NACC2: variants seen among roughly 807,000 people sequenced by gnomAD.
The protein encoded by NACC2 is NACC family member 2, also known as nucleus accumbens-associated protein 2.
Under a neutral mutation model 25.1 loss-of-function variants are expected in NACC2, and 8 were observed. That is an observed-to-expected ratio of 0.32 (90% CI 0.19 to 0.57). The LOEUF (loss-of-function observed/expected upper bound fraction) is 0.57, where lower values mean the gene tolerates loss of function less well. Ranked by LOEUF, NACC2 falls within the 20% of genes least tolerant of loss-of-function variation. The pLI is 0.89. For synonymous variants in NACC2, 435 were observed against 294.7 expected (o/e 1.48, Z -4.88); for missense variants, 644 against 650.2 (o/e 0.99, Z 0.10).
In NACC2 at chr9:136,022,898, C is replaced by A. The variant is rs896706136; in HGVS notation, c.887-6469G>T. ...GAAGGCAAACCATCACCAATTACCA[C>A]GCCATGCCACGCCACACCGTGCCTG... is the stretch of plus-strand genomic sequence containing the variant. On this transcript the variant is annotated intron_variant, in intron 2 of 5. Transcript: ENST00000277554. The surrounding 1 kb of genome is among the most constrained non-coding windows in gnomAD (Gnocchi z 4.4). 7.7e-6 allele frequency among the ~76,000 whole-genome samples: 1 copy of A among 130,580 alleles called. No homozygotes were observed. The allele number at this position is 130,580 out of a possible 152,430, so 85.7% of individuals were successfully genotyped here. A position where few individuals can be genotyped will look rare whatever the true frequency, so the allele number is the denominator to read the frequency against.
At chr9:136,078,020 C>A (rs981347796) in intron 1 of NACC2, among the ~76,000 whole-genome samples, 1 of 152,230 alleles carries the variant, frequency 6.6e-6, no homozygotes, top group Admixed American at 6.5e-5. Context: ...GATCCACCCG[C>A]CTCGGCCTCC....
rs182801520 is a variant in NACC2 at position 136,069,836 on chromosome 9, T to C, written c.-59-19256A>G. On this transcript the variant is annotated intron_variant, in intron 1 of 5. Coordinates refer to ENST00000277554, the MANE Select transcript of NACC2 (RefSeq NM_144653.5). ...ACAAAATACATGAAGCACAAACCAATAGAACTAAAGACAAACCCACAATTC... is the reference window on the plus strand; with the variant it reads ...ACAAAATACATGAAGCACAAACCAACAGAACTAAAGACAAACCCACAATTC... 4.0e-4 allele frequency among the ~76,000 whole-genome samples: 60 copies of C among 151,790 alleles called. 1 individual carries two copies. Among genetic ancestry groups the C allele is most frequent in the African/African-American group, 1.4e-3 (57 of 41,160 alleles).
chr9:136,020,326 A>T lies in NACC2; in HGVS notation c.887-3897T>A, dbSNP rs1211866249. 1.3e-5 allele frequency among the ~76,000 whole-genome samples: 2 copies of T among 152,124 alleles called. No homozygotes were observed. The highest frequency in any genetic ancestry group is 3.9e-4 in the East Asian group (2 of 5,184). On this transcript the variant is annotated intron_variant, in intron 2 of 5. Coordinates refer to ENST00000277554, the MANE Select transcript of NACC2 (RefSeq NM_144653.5). The surrounding 1 kb of genome is among the most constrained non-coding windows in gnomAD (Gnocchi z 4.7). ...AGGTGCTCCACGTCCTCACCAGGCA[A>T]AACACCCCGAGATCCCTGCCCACGG...
chr9:136,023,097 AGAGGGAGGGAGGAGGGAGGGGGAG>A (rs1564220759), intron 2 of NACC2, among the ~76,000 whole-genome samples: 6 of 350 alleles, frequency 0.017, no homozygotes, highest in Admixed American at 0.028. Flanking sequence ...GAAGGAGGGA[AGAGGGAGGGAGGAGGGAGGGGGAG>A]GAGGGAGGGA....
At chr9:136,065,623 T>A (rs1841070314) in intron 1 of NACC2, among the ~76,000 whole-genome samples, 1 of 151,480 alleles carries the variant, frequency 6.6e-6, no homozygotes, top group African/African-American at 2.4e-5. Flanking sequence ...CGGTTTCAGA[T>A]ACATAAATAA....
intron 2 of NACC2, among the ~76,000 whole-genome samples, chr9:136,045,002 G>A (rs1167037091): frequency 1.3e-5 from 2 of 152,222 alleles, no homozygotes; most frequent in African/African-American, 2.4e-5. Context: ...GCAGAGCCAG[G>A]ACAGATGTGC....
At chr9:136,087,427 C>T (rs1830390299) in intron 1 of NACC2, among the ~76,000 whole-genome samples, 1 of 152,210 alleles carries the variant, frequency 6.6e-6, no homozygotes, top group Non-Finnish European at 1.5e-5. Context: ...ACACCCTGCC[C>T]TCCTGGAGCT....
chr9:136,050,154 A>T lies in NACC2; in HGVS notation c.368T>A (p.Val123Glu). The T allele has an allele frequency of 2.6e-6, 2 of 768,946 alleles. No homozygotes were observed. The highest frequency in any genetic ancestry group is 4.8e-6 in the Non-Finnish European group (2 of 414,920). The allele number at this position is 768,946 out of a possible 1,614,324, so 47.6% of individuals were successfully genotyped here. A position where few individuals can be genotyped will look rare whatever the true frequency, so the allele number is the denominator to read the frequency against. ...CTGCGAGTCGCAGTGGGGCGAGCTC[A>T]CCTTGAACATGAGGTCGGTGCCGCG... ...VERGTDLMFKVSSPHCDSQTA... is the reference protein window; with the variant it reads ...VERGTDLMFKESSPHCDSQTA... Residue 123 changes from valine (V) to glutamate (E), a missense_variant, in exon 2 of 6, where the codon GTG becomes GAG. Val to Glu is a moderately radical substitution (Grantham distance 121). Transcript: ENST00000277554.
intron 2 of NACC2, among the ~76,000 whole-genome samples, chr9:136,039,969 G>A (rs1413044969): frequency 2.6e-5 from 4 of 152,170 alleles, no homozygotes. Flanking sequence ...TGTAGGAAAT[G>A]CCAAGGAATT....
At chr9:136,094,974 C>A (rs1830474440) in intron 1 of NACC2, among the ~76,000 whole-genome samples, 1 of 146,334 alleles carries the variant, frequency 6.8e-6, no homozygotes, top group African/African-American at 2.4e-5. Flanking sequence ...CCCCGCCCGG[C>A]CCCCCTCCGC....
At position 136,084,210 on chromosome 9, in the gene NACC2, C is replaced by G. The variant is rs1464769066; in HGVS notation, c.-60+10979G>C. ...CCCTCAACACCCACTCACCAACCTGCAGCCTCCCCGCTCCCAGGTCAAAGA... is the reference window on the plus strand; with the variant it reads ...CCCTCAACACCCACTCACCAACCTGGAGCCTCCCCGCTCCCAGGTCAAAGA... On this transcript the variant is annotated intron_variant, in intron 1 of 5. Coordinates refer to ENST00000277554, the MANE Select transcript of NACC2 (RefSeq NM_144653.5). This position sits in a 1 kb window ranked among gnomAD's most constrained non-coding sequence, Gnocchi z 5.1. Among the ~76,000 whole-genome samples the G allele has an allele frequency of 1.3e-5, 2 of 152,142 alleles. No individual in the cohort carries two copies. The highest frequency in any genetic ancestry group is 4.8e-5 in the African/African-American group (2 of 41,426).
intron 1 of NACC2, among the ~76,000 whole-genome samples, chr9:136,064,752 G>C (rs1344943440): frequency 6.6e-6 from 1 of 152,156 alleles, no homozygotes; most frequent in East Asian, 1.9e-4. Context: ...AAGGGACCCA[G>C]GAGAGCCAAA....
chr9:136,050,572 G>T lies in NACC2; in HGVS notation c.-51C>A. On this transcript the variant is annotated 5_prime_UTR_variant, in exon 2 of 6. Coordinates refer to ENST00000277554, the MANE Select transcript of NACC2 (RefSeq NM_144653.5). ...GCTCTCAGCGCGGGGCGGCCCTAGC[G>T]GGGCTCATCTGTGGGGGGCAGGAGG... 1.4e-6 allele frequency: 1 copy of T among 726,942 alleles called. No individual in the cohort carries two copies. Among genetic ancestry groups the T allele is most frequent in the East Asian group, 2.6e-5 (1 of 38,734 alleles). 45.0% of individuals were successfully genotyped at this position (726,942 alleles called of 1,614,324 possible). A position where few individuals can be genotyped will look rare whatever the true frequency, so the allele number is the denominator to read the frequency against.
rs1322416603 is a variant in NACC2 at position 136,022,325 on chromosome 9, G to A, written c.887-5896C>T. 1.3e-5 allele frequency among the ~76,000 whole-genome samples: 2 copies of A among 152,280 alleles called. No individual in the cohort carries two copies. Among genetic ancestry groups the A allele is most frequent in the East Asian group, 1.9e-4 (1 of 5,176 alleles). On this transcript the variant is annotated intron_variant, in intron 2 of 5. Transcript: ENST00000277554. This position sits in a 1 kb window ranked among gnomAD's most constrained non-coding sequence, Gnocchi z 4.4. ...GAGATGACCACACTCTCCACATGGG[G>A]CTGTGTCCCACCCCCGAAAGCACAC...
intron 1 of NACC2, among the ~76,000 whole-genome samples, chr9:136,083,103 C>A (rs1025502838): frequency 6.6e-6 from 1 of 152,232 alleles, no homozygotes; most frequent in African/African-American, 2.4e-5. Flanking sequence ...GCAACAGAAA[C>A]CTGAGGGCCC....
intron 1 of NACC2, among the ~76,000 whole-genome samples, chr9:136,061,995 C>A (rs1841017181): frequency 6.6e-6 from 1 of 152,048 alleles, no homozygotes; most frequent in Admixed American, 6.5e-5. Flanking sequence ...TGGTGTGCAC[C>A]TGTAATCCCA....
chr9:136,085,045 G>A (rs1830363949), intron 1 of NACC2, among the ~76,000 whole-genome samples: 1 of 150,024 alleles, frequency 6.7e-6, no homozygotes, highest in Non-Finnish European at 1.5e-5. Context: ...CACTGAAAAA[G>A]CTAAAACGGT....
chr9:136,029,446 C>T (rs1203363046), intron 2 of NACC2, among the ~76,000 whole-genome samples: 3 of 152,186 alleles, frequency 2.0e-5, no homozygotes, highest in Admixed American at 6.5e-5. Context: ...TTCCTGGATG[C>T]GGAACAAGAA....
chr9:136,057,143 C>T (rs900908822), intron 1 of NACC2, among the ~76,000 whole-genome samples: 1 of 152,212 alleles, frequency 6.6e-6, no homozygotes, highest in Admixed American at 6.5e-5. Flanking sequence ...GGCGTTGGCT[C>T]TGCCGGGGGT....
Sources: gnomAD v4.1 joint callset for allele counts (sites outside exome capture counted in the v4.1 genomes callset) on GRCh38, gnomAD v4.1.1 for gene constraint, Gnocchi (gnomAD v3.1) non-coding constraint, MANE v1.5 for transcripts, NCBI Gene and HGNC (gene_info 2026-07-23, HGNC 2026-07-21) for gene names.